The following ANXA8 variants were observed in gnomAD, a reference collection of about 807,000 sequenced individuals.
ANXA8 encodes annexin A8.
ANXA8 carries 9 observed loss-of-function variants against 26.8 expected under a neutral mutation model. The observed-to-expected ratio is 0.34, with a 90% CI of 0.20 to 0.59. ANXA8 has a LOEUF of 0.59. ANXA8 is among the 20% of genes least tolerant of loss of function. The pLI is 0.84. For missense variants in ANXA8, 83 were observed against 238.5 expected, an observed-to-expected ratio of 0.35 and a Z score of 4.29; for synonymous variants, 39 against 94.8, an observed-to-expected ratio of 0.41 and a Z score of 3.42.
At chr10:47,743,373 T>TATATATATACACATATATATATATAC in the ANXA8 span, among the ~76,000 whole-genome samples, 1 of 21,822 alleles carries the variant, frequency 4.6e-5, no homozygotes. Flanking sequence ...TATATATACA[T>TATATATATACACATATATATATATAC]ATATATGTGT....
the ANXA8 span, among the ~76,000 whole-genome samples, chr10:47,654,337 G>C: frequency 1.4e-5 from 2 of 144,514 alleles, no homozygotes; most frequent in South Asian, 4.2e-4. Flanking sequence ...TTCTAAGCTA[G>C]TGATAAAAAT....
chr10:47,501,537 G>A, the ANXA8 span, among the ~76,000 whole-genome samples: 15 of 133,756 alleles, frequency 1.1e-4, 2 homozygotes, highest in Non-Finnish European at 3.2e-5. Flanking sequence ...GTGAAACCAC[G>A]TCTCTACTAA....
the ANXA8 span, among the ~76,000 whole-genome samples, chr10:47,976,829 G>C: frequency 7.6e-6 from 1 of 131,360 alleles, no homozygotes; most frequent in Non-Finnish European, 1.7e-5. Flanking sequence ...GTTTGACATT[G>C]CAACTGCCTG....
chr10:47,660,298 G>A, the ANXA8 span, among the ~76,000 whole-genome samples: 6 of 148,102 alleles, frequency 4.1e-5, no homozygotes, highest in African/African-American at 1.3e-4. Flanking sequence ...GAGCAGGCAG[G>A]AACATTGTGA....
chr10:47,492,136 G>C, the ANXA8 span, among the ~76,000 whole-genome samples: 1 of 151,002 alleles, frequency 6.6e-6, no homozygotes, highest in African/African-American at 2.4e-5. Flanking sequence ...CTGGAGACCT[G>C]GGCAGTCCTT....
chr10:47,944,934 A>G, the ANXA8 span, among the ~76,000 whole-genome samples: 1 of 146,344 alleles, frequency 6.8e-6, no homozygotes, highest in African/African-American at 2.6e-5. Context: ...ATCTCGCTTC[A>G]TGTGACTTCT....
chr10:47,733,221 C>CTTT, the ANXA8 span, among the ~76,000 whole-genome samples: 9 of 58,254 alleles, frequency 1.5e-4, no homozygotes, highest in East Asian at 5.5e-4. Context: ...TTCTTTCTTT[C>CTTT]TCTTTCTTTC....
chr10:47,554,809 G>A, the ANXA8 span, among the ~76,000 whole-genome samples: 13 of 152,218 alleles, frequency 8.5e-5, no homozygotes, highest in Admixed American at 4.6e-4. Flanking sequence ...GGCTACCTAC[G>A]TGGCGCATGC....
chr10:47,593,274 G>T, the ANXA8 span, among the ~76,000 whole-genome samples: 2 of 149,532 alleles, frequency 1.3e-5, 1 homozygote, highest in African/African-American at 5.1e-5. Context: ...GGGGAGTGCA[G>T]CCTGCCAAAG....
the ANXA8 span, among the ~76,000 whole-genome samples, chr10:47,944,853 G>T: frequency 6.8e-6 from 1 of 146,824 alleles, no homozygotes; most frequent in Non-Finnish European, 1.5e-5. Flanking sequence ...CTGACAGCCT[G>T]GGCCCCACCC....
chr10:47,714,352 T>G, the ANXA8 span, among the ~76,000 whole-genome samples: 1 of 148,490 alleles, frequency 6.7e-6, no homozygotes, highest in Non-Finnish European at 1.5e-5. Flanking sequence ...AAAAAAATCT[T>G]TAGTGAAAGA....
upstream of ANXA8, chr10:47,487,150 T>A (rs1278869430): frequency 7.5e-7 from 1 of 1,327,152 alleles, no homozygotes; most frequent in East Asian, 2.5e-5. Context: ...ATGTAAAATA[T>A]GTTATGTCAA....
the ANXA8 span, among the ~76,000 whole-genome samples, chr10:47,644,909 T>C: frequency 6.6e-6 from 1 of 151,496 alleles, no homozygotes. Flanking sequence ...CAATTAACCA[T>C]TAAATAATTT....
At chr10:47,985,110 T>A in the ANXA8 span, among the ~76,000 whole-genome samples, 2 of 143,806 alleles carry the variant, frequency 1.4e-5, no homozygotes, top group Admixed American at 1.4e-4. Flanking sequence ...CATAAAGAGC[T>A]CTCAAAACTC....
chr10:47,599,481 T>C, the ANXA8 span, among the ~76,000 whole-genome samples: 194 of 148,416 alleles, frequency 1.3e-3, 9 homozygotes, highest in East Asian at 0.024. Context: ...GACAAAACAC[T>C]GAATACAAGC....
At chr10:47,688,603 G>T in the ANXA8 span, among the ~76,000 whole-genome samples, 1 of 150,854 alleles carries the variant, frequency 6.6e-6, no homozygotes, top group Non-Finnish European at 1.5e-5. Flanking sequence ...TGTATTTTTA[G>T]TAGAGATGGG....
At chr10:47,959,116 T>G in the ANXA8 span, among the ~76,000 whole-genome samples, 6 of 141,024 alleles carry the variant, frequency 4.3e-5, no homozygotes, top group South Asian at 2.2e-4. Context: ...GGCTGGGAGG[T>G]AGGTGGCCTT....
the ANXA8 span, among the ~76,000 whole-genome samples, chr10:47,527,857 G>A: frequency 6.1e-5 from 9 of 148,018 alleles, 1 homozygote; most frequent in African/African-American, 2.2e-4. Context: ...ATGTTAAAGG[G>A]AAAGAGCCAA....
the ANXA8 span, chr10:47,563,773 C>T: frequency 2.6e-6 from 2 of 775,340 alleles, no homozygotes; most frequent in Admixed American, 1.9e-5. Flanking sequence ...TAGAAATATA[C>T]CTTATCGGAA....
Sources: gnomAD v4.1 joint callset for allele counts (sites outside exome capture counted in the v4.1 genomes callset) on GRCh38, gnomAD v4.1.1 for gene constraint, MANE v1.5 for transcripts, NCBI Gene and HGNC (gene_info 2026-07-23, HGNC 2026-07-21) for gene names.